Variants in PCDHGA1 observed in about 807,000 individuals in gnomAD.
PCDHGA1 encodes protocadherin gamma subfamily A, 1, also known as protocadherin gamma-A1.
PCDHGA1 carries 32 observed loss-of-function variants against 58.0 expected under a neutral mutation model. That is an observed-to-expected ratio of 0.55 (90% CI 0.42 to 0.74). PCDHGA1 has a LOEUF of 0.74. Among genes scored for constraint, PCDHGA1 ranks in the 30% least tolerant of loss-of-function variants. PCDHGA1 has a pLI of 0.00. For synonymous variants in PCDHGA1, 498 were observed against 501.1 expected, an observed-to-expected ratio of 0.99 and a Z score of 0.08; for missense variants, 1,205 against 1,182.3, an observed-to-expected ratio of 1.02 and a Z score of -0.28.
In PCDHGA1 at chr5:141,344,573, G is replaced by A. The variant is rs1757437719; in HGVS notation, c.2421+11468G>A. On this transcript the variant is annotated intron_variant, in intron 1 of 3. Coordinates refer to ENST00000517417, the MANE Select transcript of PCDHGA1 (RefSeq NM_018912.3). ...TTAGCCCCAATGACTACTTCTCTCT[G>A]GCTGTGAATAGCGTCTCTGAGGGGG... 6 of 1,613,962 alleles carry A rather than the reference G, an allele frequency of 3.7e-6. No homozygotes were observed. The East Asian group carries it at 1.3e-4, about 36-fold the overall frequency.
chr5:141,343,421 G>T, intron 1 of PCDHGA1: 1 of 960,926 alleles, frequency 1.0e-6, no homozygotes. Flanking sequence ...CCTGATAAAT[G>T]TAGTAAGTAT....
chr5:141,505,794 G>A (rs1423502957), intron 3 of PCDHGA1, among the ~76,000 whole-genome samples: 1 of 152,142 alleles, frequency 6.6e-6, no homozygotes, highest in East Asian at 1.9e-4. Context: ...CTATCCTTGG[G>A]ACTTGGATCG....
At chr5:141,420,474 C>T in intron 1 of PCDHGA1, 1 of 677,328 alleles carries the variant, frequency 1.5e-6, no homozygotes, top group Non-Finnish European at 2.1e-6. Context: ...CATTTTAAAG[C>T]AAACTACATG....
At chr5:141,399,632 C>A in intron 1 of PCDHGA1, 2 of 1,613,894 alleles carry the variant, frequency 1.2e-6, no homozygotes, top group Non-Finnish European at 1.7e-6. Context: ...TCTTACGTGT[C>A]CATGAGCGCG....
At chr5:141,376,143 C>T (rs968258270) in intron 1 of PCDHGA1, 3 of 1,613,858 alleles carry the variant, frequency 1.9e-6, no homozygotes, top group East Asian at 2.2e-5. Flanking sequence ...CCCAACGATT[C>T]GGACCTCACT....
chr5:141,422,850 G>C (rs184432819), intron 1 of PCDHGA1: 30 of 1,614,086 alleles, frequency 1.9e-5, no homozygotes, highest in Middle Eastern at 1.6e-4. Flanking sequence ...GCGGGGACCC[G>C]CCCCTCAGCA....
intron 1 of PCDHGA1, chr5:141,420,342 T>C: frequency 7.2e-7 from 1 of 1,388,390 alleles, no homozygotes; most frequent in Non-Finnish European, 9.6e-7. Flanking sequence ...AATATAGTGG[T>C]ATTATTTTAA....
chr5:141,427,855 G>T (rs2097079766), intron 1 of PCDHGA1: 1 of 1,553,826 alleles, frequency 6.4e-7, no homozygotes, highest in Non-Finnish European at 8.8e-7. Flanking sequence ...GAGCAGCTGT[G>T]CGCCTTCGAG....
intron 2 of PCDHGA1, among the ~76,000 whole-genome samples, chr5:141,501,420 T>C (rs1429838126): frequency 6.6e-6 from 1 of 152,006 alleles, no homozygotes; most frequent in Non-Finnish European, 1.5e-5. Context: ...AATAGTTGAC[T>C]AAATGTAGTC....
Position 141,339,976 on chromosome 5 carries a change from C to T in PCDHGA1, c.2421+6871C>T, listed in dbSNP as rs765342434. 128 of 1,613,986 alleles carry T rather than the reference C, an allele frequency of 7.9e-5. 1 individual carries two copies. In the Admixed American group the frequency reaches 2.1e-3, roughly 26 times the overall value. Reference sequence around the variant, plus strand: ...TTCTAACCAGAGCGAAGGTTATCGTCACGGTTCTGGATGTGAATGACAATG... The same window carrying T: ...TTCTAACCAGAGCGAAGGTTATCGTTACGGTTCTGGATGTGAATGACAATG... On this transcript the variant is annotated intron_variant, in intron 1 of 3. Transcript: ENST00000517417.
At chr5:141,495,102 C>A (rs1344771035) in intron 2 of PCDHGA1, among the ~76,000 whole-genome samples, 3 of 152,160 alleles carry the variant, frequency 2.0e-5, no homozygotes, top group Non-Finnish European at 4.4e-5. Flanking sequence ...CTCGCCACGA[C>A]CGGCACCTTT....
intron 1 of PCDHGA1, among the ~76,000 whole-genome samples, chr5:141,455,408 G>A (rs1024760282): frequency 6.6e-6 from 1 of 152,150 alleles, no homozygotes; most frequent in Non-Finnish European, 1.5e-5. Context: ...TACAGAGACA[G>A]AGGGAGCGGG....
intron 1 of PCDHGA1, chr5:141,389,909 C>A: frequency 6.2e-7 from 1 of 1,614,068 alleles, no homozygotes; most frequent in Non-Finnish European, 8.5e-7. Flanking sequence ...ATATCACTGA[C>A]CGCCCCGACC....
chr5:141,347,154 T>G (rs1757910755), intron 1 of PCDHGA1, among the ~76,000 whole-genome samples: 1 of 134,636 alleles, frequency 7.4e-6, no homozygotes, highest in Non-Finnish European at 1.6e-5. Context: ...TTTCTTTCTT[T>G]CTTTCTTTCT....
chr5:141,332,343 G>A lies in PCDHGA1; in HGVS notation c.1659G>A (p.Leu553=). The A allele has an allele frequency of 6.2e-7, 1 of 1,614,178 alleles. No individual in the cohort carries two copies. The highest frequency in any genetic ancestry group is 8.5e-7 in the Non-Finnish European group (1 of 1,180,040). The change falls in exon 1 of 4, where the codon CTG becomes CTA. Residue 553 remains leucine, a synonymous_variant. Coordinates refer to ENST00000517417, the MANE Select transcript of PCDHGA1 (RefSeq NM_018912.3). The surrounding 1 kb of genome is among the most constrained non-coding windows in gnomAD (Gnocchi z 4.6). Reference sequence around the variant, plus strand: ...ACGTGTCTCTCAGCCTATTCCTGCTGGACCAGAACGACAACGCGCCCGAGA... The same window carrying A: ...ACGTGTCTCTCAGCCTATTCCTGCTAGACCAGAACGACAACGCGCCCGAGA... ...SSNVSLSLFL[L]DQNDNAPEIL...
intron 1 of PCDHGA1, chr5:141,364,485 T>C (rs1357301419): frequency 6.2e-7 from 1 of 1,614,028 alleles, no homozygotes; most frequent in Admixed American, 1.7e-5. Flanking sequence ...GCCAAGGACC[T>C]TGGGCTGGAG....
intron 1 of PCDHGA1, among the ~76,000 whole-genome samples, chr5:141,463,944 T>C (rs1454454223): frequency 3.3e-5 from 5 of 152,158 alleles, no homozygotes; most frequent in African/African-American, 4.8e-5. Flanking sequence ...TTTATAGAAA[T>C]CTTCATTTTT....
chr5:141,351,058 G>A, intron 1 of PCDHGA1: 1 of 1,614,064 alleles, frequency 6.2e-7, no homozygotes, highest in African/African-American at 1.3e-5. Flanking sequence ...CCACAGACCA[G>A]GATGAGGGCA....
At chr5:141,351,400 C>G (rs377527142) in intron 1 of PCDHGA1, 1 of 1,611,298 alleles carries the variant, frequency 6.2e-7, no homozygotes, top group African/African-American at 1.3e-5. Flanking sequence ...TGGTGACATG[C>G]TATACTCAGG....
Sources: allele counts gnomAD v4.1 joint callset (sites outside exome capture counted in the v4.1 genomes callset), GRCh38; gene constraint gnomAD v4.1.1; non-coding constraint Gnocchi (gnomAD v3.1); transcripts MANE v1.5; gene names NCBI Gene and HGNC (gene_info 2026-07-23, HGNC 2026-07-21).